The following NKAIN2 variants were observed in gnomAD, a reference collection of about 807,000 sequenced individuals.
The protein encoded by NKAIN2 is sodium/potassium transporting ATPase interacting 2.
In NKAIN2, 14 loss-of-function variants were observed where a neutral mutation model predicts 32.6. The ratio of observed to expected loss-of-function variants is 0.43; its 90% CI spans 0.28 to 0.67. The LOEUF is 0.67. Among genes scored for constraint, NKAIN2 ranks in the 30% least tolerant of loss-of-function variants. The probability of loss-of-function intolerance (pLI) is 0.17; values close to 1 mark genes in which losing one functional copy is unlikely to be tolerated. For missense variants in NKAIN2, 198 were observed against 258.3 expected (o/e 0.77, Z 1.60); for synonymous variants, 80 against 87.2 (o/e 0.92, Z 0.46).
intron 3 of NKAIN2, among the ~76,000 whole-genome samples, chr6:124,476,061 A>AGT (rs1439410249): frequency 4.4e-4 from 38 of 85,704 alleles, no homozygotes; most frequent in African/African-American, 2.0e-3. Context: ...AGAGAGAGAG[A>AGT]GAGAGTGTGT....
At chr6:124,340,598 T>C (rs2115081066) in intron 2 of NKAIN2, among the ~76,000 whole-genome samples, 1 of 152,304 alleles carries the variant, frequency 6.6e-6, no homozygotes, top group South Asian at 2.1e-4. Context: ...GTTTTCATCA[T>C]TTAGCTCCCA....
At chr6:124,113,771 T>G (rs1363287546) in intron 1 of NKAIN2, among the ~76,000 whole-genome samples, 10 of 152,186 alleles carry the variant, frequency 6.6e-5, no homozygotes. Flanking sequence ...AGAGGGTGTT[T>G]CATATCTCTC....
In NKAIN2 at chr6:124,021,146, C is replaced by G. The variant is rs234463; in HGVS notation, c.54+216892C>G. Among the ~76,000 whole-genome samples, 492 of 151,720 alleles carry G rather than the reference C, an allele frequency of 3.2e-3. 2 individuals are homozygous for G. Among genetic ancestry groups the G allele is most frequent in the African/African-American group, 0.012 (478 of 41,396 alleles). ...TGACTCATAACAGTGAAATTATAGC[C>G]CATAGGATTTTTCAACACAGGGAAG... On this transcript the variant is annotated intron_variant, in intron 1 of 6. Coordinates refer to ENST00000368417, the MANE Select transcript of NKAIN2 (RefSeq NM_001040214.3).
intron 3 of NKAIN2, among the ~76,000 whole-genome samples, chr6:124,400,796 G>A (rs1210222387): frequency 6.6e-6 from 1 of 152,150 alleles, no homozygotes; most frequent in Non-Finnish European, 1.5e-5. Flanking sequence ...GTCAAGAAAT[G>A]GAAGACAGGT....
chr6:124,258,413 C>CA (rs1794057669), intron 1 of NKAIN2, among the ~76,000 whole-genome samples: 1 of 152,044 alleles, frequency 6.6e-6, no homozygotes, highest in Non-Finnish European at 1.5e-5. Context: ...GTCCTTGAAC[C>CA]AAAAAACCAA....
intron 3 of NKAIN2, among the ~76,000 whole-genome samples, chr6:124,515,176 C>G (rs665117): frequency 0.46 from 69,376 of 151,854 alleles, 17,773 homozygotes; most frequent in South Asian, 0.59. Flanking sequence ...TCAAATTAAA[C>G]CATGCCCTCT....
intron 4 of NKAIN2, among the ~76,000 whole-genome samples, chr6:124,790,766 C>A (rs1418755607): frequency 1.3e-5 from 2 of 152,044 alleles, no homozygotes; most frequent in Non-Finnish European, 2.9e-5. Context: ...ATATTCAATG[C>A]ATTTTGATGA....
intron 4 of NKAIN2, among the ~76,000 whole-genome samples, chr6:124,746,899 T>C (rs1473556697): frequency 6.6e-6 from 1 of 151,914 alleles, no homozygotes; most frequent in Non-Finnish European, 1.5e-5. Context: ...TCACTTTCAC[T>C]TCTATAATTT....
intron 1 of NKAIN2, among the ~76,000 whole-genome samples, chr6:124,269,136 G>A (rs185825777): frequency 6.6e-6 from 1 of 152,288 alleles, no homozygotes. Flanking sequence ...TATCTAAGCT[G>A]CATTAATAGT....
chr6:124,348,108 C>G (rs1220212205), intron 2 of NKAIN2, among the ~76,000 whole-genome samples: 5 of 152,226 alleles, frequency 3.3e-5, no homozygotes, highest in Admixed American at 2.0e-4. Context: ...CACTCCAGAC[C>G]CTGTTTGCAT....
At chr6:124,447,574 C>A (rs62437461) in intron 3 of NKAIN2, among the ~76,000 whole-genome samples, 6,955 of 152,144 alleles carry the variant, frequency 0.046, 272 homozygotes, top group Non-Finnish European at 0.066. Flanking sequence ...CAGGTGCTTT[C>A]ATTATGCAGA....
At chr6:124,095,699 C>G (rs1582633169) in intron 1 of NKAIN2, among the ~76,000 whole-genome samples, 1 of 152,258 alleles carries the variant, frequency 6.6e-6, no homozygotes, top group Non-Finnish European at 1.5e-5. Context: ...GAGATCAACT[C>G]TATCAATAAA....
chr6:124,427,910 A>G (rs1365411066), intron 3 of NKAIN2, among the ~76,000 whole-genome samples: 1 of 152,162 alleles, frequency 6.6e-6, no homozygotes, highest in Non-Finnish European at 1.5e-5. Flanking sequence ...ATTTATTTTA[A>G]AAATTATTTA....
At chr6:123,837,193 A>G (rs541288062) in intron 1 of NKAIN2, among the ~76,000 whole-genome samples, 1 of 151,932 alleles carries the variant, frequency 6.6e-6, no homozygotes, top group Non-Finnish European at 1.5e-5. Context: ...TTTATGCTGC[A>G]TGTTTTATTT....
intron 4 of NKAIN2, among the ~76,000 whole-genome samples, chr6:124,790,830 A>C (rs975627136): frequency 6.6e-6 from 1 of 152,038 alleles, no homozygotes; most frequent in Non-Finnish European, 1.5e-5. Flanking sequence ...ATATTGTCTT[A>C]ATTATACTCA....
At chr6:124,384,316 G>T (rs528888977) in intron 3 of NKAIN2, among the ~76,000 whole-genome samples, 1 of 152,172 alleles carries the variant, frequency 6.6e-6, no homozygotes, top group African/African-American at 2.4e-5. Context: ...GTAGAATATT[G>T]CAGCAATCTA....
chr6:124,130,612 A>T (rs201297964), intron 1 of NKAIN2, among the ~76,000 whole-genome samples: 3 of 145,588 alleles, frequency 2.1e-5, no homozygotes, highest in Non-Finnish European at 1.5e-5. Context: ...GTTTGCCCTT[A>T]TTTTTTTTTT....
intron 1 of NKAIN2, among the ~76,000 whole-genome samples, chr6:124,033,087 CT>C (rs1208922551): frequency 6.6e-6 from 1 of 152,018 alleles, no homozygotes; most frequent in African/African-American, 2.4e-5. Flanking sequence ...AAATAGATTT[CT>C]CTTTCTTTTA....
intron 1 of NKAIN2, among the ~76,000 whole-genome samples, chr6:124,207,351 ACT>A (rs560155845): frequency 2.0e-5 from 3 of 151,284 alleles, no homozygotes; most frequent in Non-Finnish European, 4.4e-5. Context: ...TATTTAAGGC[ACT>A]CTATTAAGGG....
Sources: gnomAD v4.1 joint callset for allele counts (sites outside exome capture counted in the v4.1 genomes callset) on GRCh38, gnomAD v4.1.1 for gene constraint, MANE v1.5 for transcripts, NCBI Gene and HGNC (gene_info 2026-07-23, HGNC 2026-07-21) for gene names.